Variants in RGSL1 observed in about 807,000 individuals in gnomAD.
RGSL1 encodes regulator of G protein signaling like 1, also known as regulator of G protein signaling protein-like.
A neutral mutation model predicts 124.7 loss-of-function variants in RGSL1; 97 were observed. That is an observed-to-expected ratio of 0.78 (90% CI 0.66 to 0.92). The LOEUF (loss-of-function observed/expected upper bound fraction) is 0.92, where lower values mean the gene tolerates loss of function less well. Ranked by LOEUF, RGSL1 falls within the 40% of genes least tolerant of loss-of-function variation. RGSL1 has a pLI of 0.00. For synonymous variants in RGSL1, 424 were observed against 438.1 expected, an observed-to-expected ratio of 0.97 and a Z score of 0.40; for missense variants, 1,233 against 1,288.4, an observed-to-expected ratio of 0.96 and a Z score of 0.66.
At chr1:182,554,349 T>G (rs61804920) in intron 19 of RGSL1, among the ~76,000 whole-genome samples, 22,615 of 152,196 alleles carry the variant, frequency 0.15, 2,240 homozygotes, top group Admixed American at 0.25. Context: ...TCTGCCCTGA[T>G]CTCCTATTTT....
At chr1:182,523,859 C>T (rs1558377404) in intron 10 of RGSL1, among the ~76,000 whole-genome samples, 1 of 152,048 alleles carries the variant, frequency 6.6e-6, no homozygotes, top group African/African-American at 2.4e-5. Context: ...AACATATTAG[C>T]TAATTACTAT....
intron 9 of RGSL1, among the ~76,000 whole-genome samples, chr1:182,502,097 A>G (rs748170790): frequency 4.6e-5 from 7 of 152,140 alleles, no homozygotes; most frequent in Non-Finnish European, 7.3e-5. Flanking sequence ...TTCTGATGTT[A>G]ATAATTTAAT....
chr1:182,488,105 T>C (rs1482802837), intron 6 of RGSL1, among the ~76,000 whole-genome samples, 180 bp from the exon 7 acceptor site: 1 of 152,278 alleles, frequency 6.6e-6, no homozygotes, highest in Non-Finnish European at 1.5e-5. Flanking sequence ...TTAGCTGCTC[T>C]ATTCAGAGAT....
At chr1:182,459,396 G>C (rs1306685644) in intron 3 of RGSL1, among the ~76,000 whole-genome samples, 1 of 152,086 alleles carries the variant, frequency 6.6e-6, no homozygotes, top group African/African-American at 2.4e-5. Context: ...ATAACAACAA[G>C]GTTTCGCTTT....
At chr1:182,487,791 G>C (rs1655204196) in intron 6 of RGSL1, among the ~76,000 whole-genome samples, 1 of 152,218 alleles carries the variant, frequency 6.6e-6, no homozygotes, top group South Asian at 2.1e-4. Context: ...GAATGAAACT[G>C]AGAGTATGGG....
At position 182,540,323 on chromosome 1, in the gene RGSL1, T is replaced by C. The variant is rs949359376; in HGVS notation, c.2571T>C (p.Asn857=). The C allele has an allele frequency of 1.2e-5, 18 of 1,551,398 alleles. No homozygotes were observed. The highest frequency in any genetic ancestry group is 5.9e-5 in the Admixed American group (3 of 50,970). Reference sequence around the variant, plus strand: ...ATGTCCGGAGTGCAGACCAAGAGAATGGAGAAATAACCCTTGTAAAGCGTC... The same window carrying C: ...ATGTCCGGAGTGCAGACCAAGAGAACGGAGAAATAACCCTTGTAAAGCGTC... ...STNVRSADQE[N]GEITLVKRRI... Residue 857 remains asparagine (N), a synonymous_variant, in exon 15 of 22, where the codon AAT becomes AAC. Transcript: ENST00000294854.
chr1:182,543,376 C>T (rs1048149229), intron 15 of RGSL1, among the ~76,000 whole-genome samples: 2 of 152,046 alleles, frequency 1.3e-5, no homozygotes, highest in African/African-American at 4.8e-5. Context: ...TGTTGAATCA[C>T]CCTTGTATTC....
intron 14 of RGSL1, among the ~76,000 whole-genome samples, chr1:182,538,942 A>G (rs1211672254): frequency 6.6e-6 from 1 of 152,234 alleles, no homozygotes; most frequent in Non-Finnish European, 1.5e-5. Context: ...TAGAATCAAC[A>G]GCATTTGGTG....
At chr1:182,520,071 T>C (rs116706615) in intron 9 of RGSL1, among the ~76,000 whole-genome samples, 2,587 of 152,294 alleles carry the variant, frequency 0.017, 30 homozygotes, top group Middle Eastern at 0.044. Context: ...AAATATCTTG[T>C]TATTTCTGCT....
At position 182,473,977 on chromosome 1, in the gene RGSL1, T is replaced by C. The variant is rs1465914977; in HGVS notation, c.866T>C (p.Val289Ala). 32 of 1,551,816 alleles carry C rather than the reference T, an allele frequency of 2.1e-5. No homozygotes were observed. In the South Asian group the frequency reaches 3.8e-4, roughly 18 times the overall value. ...GAGACATGTCCTCAAGAGAAGGTGG[T>C]TATACAAATGCCTTCCCTGAAAATG... The part of the protein sequence containing the change: ...LQETCPQEKV[V>A]IQMPSLKMAS... Residue 289 changes from valine (V) to alanine (A), a missense_variant, in exon 6 of 22, where the codon GTT becomes GCT. Val to Ala is a moderately conservative substitution (Grantham distance 64, BLOSUM62 0). Coordinates refer to ENST00000294854, the MANE Select transcript of RGSL1 (RefSeq NM_001137669.2).
chr1:182,518,991 GT>G (rs1658122930), intron 9 of RGSL1, among the ~76,000 whole-genome samples: 2 of 145,578 alleles, frequency 1.4e-5, no homozygotes, highest in Non-Finnish European at 3.0e-5. Flanking sequence ...TTTCCTTTTA[GT>G]TTTCTTTTAG....
intron 15 of RGSL1, among the ~76,000 whole-genome samples, chr1:182,544,635 T>G (rs1327179631): frequency 1.3e-5 from 2 of 152,074 alleles, no homozygotes; most frequent in Non-Finnish European, 2.9e-5. Context: ...TTTTCTCCCT[T>G]TAGATCTTTT....
Position 182,456,564 on chromosome 1 carries a change from C to T in RGSL1, c.97-1755C>T, listed in dbSNP as rs143005155. ...CCGCCTGCCTCGGCCTCCCAAAGTGCTGGGATTACAGGCGTAAGCCTCCAC... is the reference window on the plus strand; with the variant it reads ...CCGCCTGCCTCGGCCTCCCAAAGTGTTGGGATTACAGGCGTAAGCCTCCAC... On this transcript the variant is annotated intron_variant, in intron 2 of 21. Coordinates refer to ENST00000294854, the MANE Select transcript of RGSL1 (RefSeq NM_001137669.2). Among the ~76,000 whole-genome samples, 1,300 of 152,304 alleles carry T rather than the reference C, an allele frequency of 8.5e-3. 9 individuals are homozygous for T. The highest frequency in any genetic ancestry group is 0.014 in the Middle Eastern group (4 of 294).
chr1:182,540,183 C>T, intron 14 of RGSL1, 64 bp from the exon 15 acceptor site: 1 of 1,414,532 alleles, frequency 7.1e-7, no homozygotes, highest in Admixed American at 2.8e-5. Flanking sequence ...TTTGTTATGC[C>T]CAGGTTGAGG....
In RGSL1 at chr1:182,474,439, C is replaced by T. The variant is rs781421036; in HGVS notation, c.1328C>T (p.Pro443Leu). 34 of 1,551,958 alleles carry T rather than the reference C, an allele frequency of 2.2e-5. No homozygotes were observed. Among genetic ancestry groups the T allele is most frequent in the African/African-American group, 6.8e-5 (5 of 73,136 alleles). The change falls in exon 6 of 22, where the codon CCG (proline) becomes CTG (leucine). Residue 443 changes from proline to leucine, a missense_variant. Coordinates refer to ENST00000294854, the MANE Select transcript of RGSL1 (RefSeq NM_001137669.2). ...CELYLNEQIGPCLPLKSQTIQ... is the reference protein window; with the variant it reads ...CELYLNEQIGLCLPLKSQTIQ... ...CTCTACCTGAATGAGCAGATTGGTC[C>T]GTGCTTACCACTCAAATCCCAAACC...
At chr1:182,515,764 G>A (rs1657842895) in intron 9 of RGSL1, among the ~76,000 whole-genome samples, 1 of 152,148 alleles carries the variant, frequency 6.6e-6, no homozygotes, top group African/African-American at 2.4e-5. Flanking sequence ...CCCGCACCGT[G>A]GCCATTGGGT....
intron 16 of RGSL1, 99 bp from the exon 17 acceptor site, chr1:182,548,601 T>A: frequency 6.6e-7 from 1 of 1,519,034 alleles, no homozygotes; most frequent in Non-Finnish European, 8.8e-7. Context: ...ACCGTATGCC[T>A]TTTGGAGAGG....
At chr1:182,551,904 T>C (rs1660586405) in intron 18 of RGSL1, among the ~76,000 whole-genome samples, 1 of 152,152 alleles carries the variant, frequency 6.6e-6, no homozygotes, top group South Asian at 2.1e-4. Context: ...GGTGTCACAA[T>C]TGCAACAGCA....
rs1659820875 is a variant in RGSL1, at chr1:182,540,404, C to A, written c.2652C>A (p.Phe884Leu). The change falls in exon 15 of 22, where the codon TTC becomes TTA. Residue 884 changes from phenylalanine (F) to leucine (L), a missense_variant. Transcript: ENST00000294854. ...ACTTTGCGATCAATGATCTATATTTCTTTTCTGAAATGGAGAAGTAAGTTT... is the reference window on the plus strand; with the variant it reads ...ACTTTGCGATCAATGATCTATATTTATTTTCTGAAATGGAGAAGTAAGTTT... Reference protein sequence around the residue: ...TVNFAINDLYFFSEMEKFNDL... With the variant: ...TVNFAINDLYLFSEMEKFNDL... 7 of 1,550,220 alleles carry A rather than the reference C, an allele frequency of 4.5e-6. No individual in the cohort carries two copies. The South Asian group carries it at 7.2e-5, about 16-fold the overall frequency.
Sources: gnomAD v4.1 joint callset for allele counts (sites outside exome capture counted in the v4.1 genomes callset) on GRCh38, gnomAD v4.1.1 for gene constraint, MANE v1.5 for transcripts, NCBI Gene and HGNC (gene_info 2026-07-23, HGNC 2026-07-21) for gene names.